Variants in HK2 observed in about 807,000 individuals in gnomAD.
HK2 encodes hexokinase 2.
In HK2, 42 loss-of-function variants were observed where a neutral mutation model predicts 92.9. The ratio of observed to expected loss-of-function variants is 0.45; its 90% confidence interval spans 0.35 to 0.58. The LOEUF (loss-of-function observed/expected upper bound fraction) is 0.58, where lower values mean the gene tolerates loss of function less well. Ranked by LOEUF, HK2 falls within the 20% of genes least tolerant of loss-of-function variation. The pLI is 0.00. For missense variants in HK2, 978 were observed against 1,245.1 expected, an observed-to-expected ratio of 0.79 and a Z score of 3.23; for synonymous variants, 422 against 468.0, an observed-to-expected ratio of 0.90 and a Z score of 1.27.
intron 2 of HK2, among the ~76,000 whole-genome samples, chr2:74,866,561 G>T (rs1025891586): frequency 6.6e-6 from 1 of 152,130 alleles, no homozygotes; most frequent in Non-Finnish European, 1.5e-5. Flanking sequence ...CATAGTCGGT[G>T]GTATTATCAC....
At chr2:74,875,112 C>G (rs78497933) in intron 7 of HK2, among the ~76,000 whole-genome samples, 9,386 of 152,198 alleles carry the variant, frequency 0.062, 680 homozygotes, top group African/African-American at 0.17. Context: ...CTTATTTCAC[C>G]CTCACAAACA....
At chr2:74,879,554 G>A (rs535073564) in intron 9 of HK2, among the ~76,000 whole-genome samples, 1 of 152,304 alleles carries the variant, frequency 6.6e-6, no homozygotes, top group East Asian at 1.9e-4. Flanking sequence ...GAGTGTGCAC[G>A]TGAATCACAT....
chr2:74,847,831 C>T (rs913941715), intron 1 of HK2, among the ~76,000 whole-genome samples: 1 of 152,198 alleles, frequency 6.6e-6, no homozygotes, highest in Non-Finnish European at 1.5e-5. Flanking sequence ...TGTGTCTGGG[C>T]AGCCAGACTT....
intron 1 of HK2, among the ~76,000 whole-genome samples, chr2:74,852,941 T>TA (rs1279606263): frequency 6.6e-6 from 1 of 152,208 alleles, no homozygotes; most frequent in African/African-American, 2.4e-5. Flanking sequence ...CTTTGGTACT[T>TA]ATGATTTGGA....
Position 74,887,918 on chromosome 2 carries a change from C to T in HK2, c.2235C>T (p.Ile745=), listed in dbSNP as rs1013134735. The T allele has an allele frequency of 6.2e-7, 1 of 1,613,934 alleles. No individual in the cohort carries two copies. The highest frequency in any genetic ancestry group is 8.5e-7 in the Non-Finnish European group (1 of 1,179,996). Residue 745 remains isoleucine, a synonymous_variant, in exon 16 of 18, where the codon ATC becomes ATT. Transcript: ENST00000290573. The part of the protein sequence containing the change: ...NPGKQRFEKM[I]SGMYLGEIVR... Reference sequence around the variant, plus strand: ...TGCATTGCAGGTTCGAGAAAATGATCAGTGGAATGTACCTGGGTGAGATTG... The same window carrying T: ...TGCATTGCAGGTTCGAGAAAATGATTAGTGGAATGTACCTGGGTGAGATTG...
At position 74,864,850 on chromosome 2, in the gene HK2, C is replaced by T. The variant is rs533618048; in HGVS notation, c.227-2786C>T. Among the ~76,000 whole-genome samples the T allele has an allele frequency of 7.9e-5, 12 of 152,326 alleles. No individual in the cohort carries two copies. The East Asian group carries it at 1.2e-3, about 15-fold the overall frequency. ...CACATACAACATAGTCCATGTTTCACGTAAGCATCACAACCGCTGGGAGAT... is the reference window on the plus strand; with the variant it reads ...CACATACAACATAGTCCATGTTTCATGTAAGCATCACAACCGCTGGGAGAT... On this transcript the variant is annotated intron_variant, in intron 2 of 17. Transcript: ENST00000290573.
chr2:74,856,199 C>T (rs370429169), intron 2 of HK2, among the ~76,000 whole-genome samples: 13 of 152,130 alleles, frequency 8.5e-5, no homozygotes, highest in Non-Finnish European at 1.5e-4. Flanking sequence ...TAATGCCACG[C>T]GCCTGTGCTG....
At chr2:74,840,258 A>ATT (rs372633486) in intron 1 of HK2, among the ~76,000 whole-genome samples, 2 of 132,570 alleles carry the variant, frequency 1.5e-5, no homozygotes, top group African/African-American at 2.8e-5. Context: ...CGCGCCAGGC[A>ATT]TTTTTTTTTT....
chr2:74,854,734 AG>A (rs1449435194), intron 2 of HK2, among the ~76,000 whole-genome samples: 6 of 152,188 alleles, frequency 3.9e-5, no homozygotes, highest in Non-Finnish European at 7.4e-5. Flanking sequence ...TGCTTGGCTC[AG>A]TTTGGCATTT....
At chr2:74,887,817 C>A in intron 15 of HK2, 86 bp from the exon 16 acceptor site, 1 of 1,251,310 alleles carries the variant, frequency 8.0e-7, no homozygotes, top group Non-Finnish European at 1.2e-6. Flanking sequence ...TGCTGATGCA[C>A]TGGGGGTGAC....
At chr2:74,878,275 T>C (rs919591770) in intron 8 of HK2, among the ~76,000 whole-genome samples, 3 of 152,190 alleles carry the variant, frequency 2.0e-5, no homozygotes, top group African/African-American at 4.8e-5. Context: ...GCAGAGACAC[T>C]GTCTGTCTCC....
chr2:74,888,727 G>C (rs1259677166), intron 16 of HK2, among the ~76,000 whole-genome samples: 5 of 152,124 alleles, frequency 3.3e-5, no homozygotes, highest in African/African-American at 1.2e-4. Flanking sequence ...GTGATTCCAG[G>C]CTTCTAAAAT....
chr2:74,851,548 G>T (rs1365138464), intron 1 of HK2, among the ~76,000 whole-genome samples: 3 of 152,196 alleles, frequency 2.0e-5, no homozygotes, highest in Non-Finnish European at 4.4e-5. Flanking sequence ...TTTTTTGTGT[G>T]CATAACCTCA....
At chr2:74,867,947 C>A in intron 3 of HK2, 163 bp downstream of exon 3, 1 of 794,226 alleles carries the variant, frequency 1.3e-6, no homozygotes, top group Non-Finnish European at 2.2e-6. Context: ...GGAGCTCAGG[C>A]TGTTCTGGTT....
At chr2:74,865,247 T>A (rs1688918143) in intron 2 of HK2, among the ~76,000 whole-genome samples, 1 of 152,052 alleles carries the variant, frequency 6.6e-6, no homozygotes, top group Non-Finnish European at 1.5e-5. Flanking sequence ...AGAGAGGACC[T>A]CCTTCCTGGG....
chr2:74,878,827 G>A lies in HK2; in HGVS notation c.1171G>A (p.Ala391Thr). The A allele has an allele frequency of 1.3e-6, 2 of 1,558,394 alleles. No homozygotes were observed. Among genetic ancestry groups the A allele is most frequent in the Non-Finnish European group, 1.7e-6 (2 of 1,150,574 alleles). ...CGCCAGCCTGTGCGCAGCCACCCTGGCCGCCGTGCTGCAGCGCATCAAGGA... is the reference window on the plus strand; with the variant it reads ...CGCCAGCCTGTGCGCAGCCACCCTGACCGCCGTGCTGCAGCGCATCAAGGA... Reference protein sequence around the residue: ...RSASLCAATLAAVLQRIKENK... With the variant: ...RSASLCAATLTAVLQRIKENK... Residue 391 changes from alanine to threonine, a missense_variant, in exon 9 of 18, where the codon GCC becomes ACC. By Grantham distance (58) the Ala-to-Thr change is moderately conservative. This residue lies in a region of HK2 where 742 missense variants were observed against 922.5 expected (regional missense o/e 0.80). Coordinates refer to ENST00000290573, the MANE Select transcript of HK2 (RefSeq NM_000189.5).
chr2:74,854,235 A>G, intron 1 of HK2, 58 bp from the exon 2 acceptor site: 1 of 1,528,702 alleles, frequency 6.5e-7, no homozygotes, highest in Non-Finnish European at 9.1e-7. Flanking sequence ...CATGACGTAC[A>G]CCTATGCCAT....
chr2:74,890,062 A>G (rs958269987), intron 17 of HK2, among the ~76,000 whole-genome samples: 3 of 152,242 alleles, frequency 2.0e-5, no homozygotes, highest in Non-Finnish European at 2.9e-5. Flanking sequence ...ACTCTGGAGC[A>G]AGATTTTTTT....
At chr2:74,848,348 G>T (rs1297593471) in intron 1 of HK2, among the ~76,000 whole-genome samples, 1 of 152,194 alleles carries the variant, frequency 6.6e-6, no homozygotes, top group Admixed American at 6.5e-5. Flanking sequence ...AAATTTTTAA[G>T]AATTGTAATA....
Sources: allele counts gnomAD v4.1 joint callset (sites outside exome capture counted in the v4.1 genomes callset), GRCh38; gene constraint gnomAD v4.1.1; regional missense constraint gnomAD v4.1.1; transcripts MANE v1.5; gene names NCBI Gene and HGNC (gene_info 2026-07-23, HGNC 2026-07-21).